The following STPG2 variants were observed in gnomAD, a reference collection of about 807,000 sequenced individuals.
The protein encoded by STPG2 is sperm-tail PG-rich repeat-containing protein 2.
In STPG2, 56 loss-of-function variants were observed where a neutral mutation model predicts 54.2. That is an observed-to-expected ratio of 1.03 (90% CI 0.83 to 1.29). The LOEUF (loss-of-function observed/expected upper bound fraction) is 1.29. STPG2 is among the 50% of genes most tolerant of loss of function. STPG2 has a pLI of 0.00. For missense variants in STPG2, 596 were observed against 544.9 expected, an observed-to-expected ratio of 1.09 and a Z score of -0.93; for synonymous variants, 200 against 181.8, an observed-to-expected ratio of 1.10 and a Z score of -0.81.
intron 9 of STPG2, among the ~76,000 whole-genome samples, chr4:97,830,608 G>A (rs773293201): frequency 2.6e-5 from 4 of 152,116 alleles, no homozygotes; most frequent in Non-Finnish European, 4.4e-5. Flanking sequence ...AGACCCATTG[G>A]TGTGTTGTAT....
intron 5 of STPG2, among the ~76,000 whole-genome samples, chr4:98,096,889 A>C (rs1738875916): frequency 1.3e-5 from 2 of 152,176 alleles, no homozygotes; most frequent in African/African-American, 4.8e-5. Flanking sequence ...AGAAATGAAT[A>C]AATTCCTAGA....
At chr4:97,562,031 C>A (rs1204244153) in intron 10 of STPG2, among the ~76,000 whole-genome samples, 1 of 152,124 alleles carries the variant, frequency 6.6e-6, no homozygotes, top group Non-Finnish European at 1.5e-5. Context: ...TTACATTGGG[C>A]AGCATGGCCA....
chr4:97,578,708 T>C (rs1180509524), intron 10 of STPG2, among the ~76,000 whole-genome samples: 3 of 152,100 alleles, frequency 2.0e-5, no homozygotes, highest in Non-Finnish European at 4.4e-5. Context: ...CCAATTTCCC[T>C]GCAATTTTCA....
rs973509669 is a variant in STPG2 at position 97,565,337 on chromosome 4, A to G, written c.1321-6220T>C. On this transcript the variant is annotated intron_variant, in intron 10 of 10. Coordinates refer to ENST00000295268, the MANE Select transcript of STPG2 (RefSeq NM_174952.3). Reference sequence around the variant, plus strand: ...GGTTATTATAGTTATACATTCATCGAAATTTTTTTCAAAGTTTTCAACTTC... The same window carrying G: ...GGTTATTATAGTTATACATTCATCGGAATTTTTTTCAAAGTTTTCAACTTC... Among the ~76,000 whole-genome samples, 5 of 152,162 alleles carry G rather than the reference A, an allele frequency of 3.3e-5. No individual in the cohort carries two copies. In the South Asian group the frequency reaches 1.0e-3, roughly 32 times the overall value.
At chr4:97,862,982 C>A (rs999724459) in intron 8 of STPG2, among the ~76,000 whole-genome samples, 1 of 152,094 alleles carries the variant, frequency 6.6e-6, no homozygotes. Flanking sequence ...TAAATGCCCA[C>A]AACAGAAAGC....
At chr4:98,098,399 T>C (rs1008795401) in intron 5 of STPG2, among the ~76,000 whole-genome samples, 3 of 152,116 alleles carry the variant, frequency 2.0e-5, no homozygotes, top group Non-Finnish European at 4.4e-5. Context: ...TAAGTGGTGC[T>C]AGGAAAACTG....
Position 98,134,744 on chromosome 4 carries a change from G to A in STPG2, c.110-285C>T, listed in dbSNP as rs185271579. On this transcript the variant is annotated intron_variant, in intron 1 of 10. Coordinates refer to ENST00000295268, the MANE Select transcript of STPG2 (RefSeq NM_174952.3). Reference sequence around the variant, plus strand: ...TTATCTTCTAATCACTTTTGGTGGGGATGAAAATGGCAATTATATTTAGCT... The same window carrying A: ...TTATCTTCTAATCACTTTTGGTGGGAATGAAAATGGCAATTATATTTAGCT... 8.5e-4 allele frequency among the ~76,000 whole-genome samples: 129 copies of A among 151,042 alleles called. 1 individual carries two copies. The highest frequency in any genetic ancestry group is 3.4e-3 in the Middle Eastern group (1 of 292).
At chr4:97,641,165 A>G (rs1429880023) in intron 10 of STPG2, among the ~76,000 whole-genome samples, 2 of 151,656 alleles carry the variant, frequency 1.3e-5, no homozygotes, top group African/African-American at 4.8e-5. Flanking sequence ...AAGCTACACA[A>G]TATTTAAAGC....
chr4:97,471,642 C>CAA, intron 4 of STPG2, among the ~76,000 whole-genome samples: 1 of 152,202 alleles, frequency 6.6e-6, no homozygotes, highest in East Asian at 1.9e-4. Context: ...GATCAGCACC[C>CAA]AACTTTCTCC....
At chr4:98,028,809 T>C (rs1175452332) in intron 5 of STPG2, among the ~76,000 whole-genome samples, 3 of 152,090 alleles carry the variant, frequency 2.0e-5, no homozygotes, top group South Asian at 2.1e-4. Context: ...TTTCTTCTTT[T>C]CTAATATAAG....
intron 10 of STPG2, among the ~76,000 whole-genome samples, chr4:97,711,293 C>T (rs557659429): frequency 6.6e-6 from 1 of 152,100 alleles, no homozygotes; most frequent in African/African-American, 2.4e-5. Flanking sequence ...TTAATCAATA[C>T]TTAAAGACCT....
At chr4:98,010,770 G>T (rs189799972) in intron 5 of STPG2, among the ~76,000 whole-genome samples, 6 of 151,818 alleles carry the variant, frequency 4.0e-5, no homozygotes, top group Non-Finnish European at 1.5e-5. Flanking sequence ...GCTATGCTTC[G>T]AATCCTTTTG....
chr4:97,748,766 A>C (rs1482011310), intron 9 of STPG2, among the ~76,000 whole-genome samples: 1 of 151,586 alleles, frequency 6.6e-6, no homozygotes, highest in African/African-American at 2.4e-5. Context: ...ATTTGACACA[A>C]AATAGTATTC....
chr4:97,883,874 C>CA (rs779102143), intron 8 of STPG2, among the ~76,000 whole-genome samples: 101 of 151,902 alleles, frequency 6.6e-4, no homozygotes, highest in Non-Finnish European at 1.1e-3. Flanking sequence ...CAAGAATTTT[C>CA]AAAAAGTAAT....
At chr4:97,577,317 A>G (rs747937265) in intron 10 of STPG2, among the ~76,000 whole-genome samples, 10 of 152,326 alleles carry the variant, frequency 6.6e-5, no homozygotes, top group Non-Finnish European at 1.0e-4. Context: ...ACTATTCACA[A>G]TAGCAATGTC....
intron 9 of STPG2, among the ~76,000 whole-genome samples, chr4:97,820,896 C>T (rs971465385): frequency 1.4e-4 from 22 of 152,138 alleles, no homozygotes; most frequent in African/African-American, 5.1e-4. Flanking sequence ...ACACTTCCCA[C>T]CAGGCCCCAC....
At chr4:97,892,577 C>G (rs1198718188) in intron 8 of STPG2, among the ~76,000 whole-genome samples, 2 of 152,132 alleles carry the variant, frequency 1.3e-5, no homozygotes, top group Admixed American at 1.3e-4. Context: ...TCCTAGGTCC[C>G]ACATGCACAG....
chr4:97,538,694 C>G (rs1047421959), intron 4 of STPG2, among the ~76,000 whole-genome samples: 1 of 152,112 alleles, frequency 6.6e-6, no homozygotes, highest in East Asian at 1.9e-4. Flanking sequence ...ACAGAGAATG[C>G]CACAAAGATA....
At position 97,460,441 on chromosome 4, in the gene STPG2, T is replaced by G. The variant is rs1014060821; in HGVS notation, c.462+252258A>C. On this transcript the variant is annotated intron_variant, in intron 4 of 4. Transcript: ENST00000522676. ...ATTATTTTTCTTTTTTTTTTATTTT[T>G]ATTTTTTGTAATTCTGGAGACTTTA... Among the ~76,000 whole-genome samples, 3 of 152,080 alleles carry G rather than the reference T, an allele frequency of 2.0e-5. No homozygotes were observed. In the South Asian group the frequency reaches 6.2e-4, roughly 31 times the overall value.
Sources: allele counts gnomAD v4.1 joint callset (sites outside exome capture counted in the v4.1 genomes callset), GRCh38; gene constraint gnomAD v4.1.1; transcripts MANE v1.5; gene names NCBI Gene and HGNC (gene_info 2026-07-23, HGNC 2026-07-21).